The following MIB1 variants were observed in gnomAD, a reference collection of about 807,000 sequenced individuals.
MIB1 encodes the protein MIB E3 ubiquitin protein ligase 1.
In MIB1, 278 loss-of-function variants were observed where a neutral mutation model predicts 124.5. That is an observed-to-expected ratio of 2.23 (90% CI 2.02 to 2.47). The LOEUF (loss-of-function observed/expected upper bound fraction) is 2.47. MIB1 is among the 30% of genes most tolerant of loss of function. The pLI is 0.00. For synonymous variants in MIB1, 446 were observed against 429.4 expected (o/e 1.04, Z -0.48); for missense variants, 957 against 1,254.4 (o/e 0.76, Z 3.58).
At chr18:21,710,217 C>T (rs1394523279) in intron 1 of MIB1, among the ~76,000 whole-genome samples, 1 of 151,772 alleles carries the variant, frequency 6.6e-6, no homozygotes, top group Non-Finnish European at 1.5e-5. Context: ...GCCTTAGCCT[C>T]CCGAGTTAAC....
intron 12 of MIB1, among the ~76,000 whole-genome samples, chr18:21,833,402 G>A (rs1402128379): frequency 6.6e-6 from 1 of 152,128 alleles, no homozygotes; most frequent in East Asian, 1.9e-4. Flanking sequence ...CCTGCTTTTA[G>A]CATGCCCAAA....
chr18:21,767,283 C>T (rs190665792), intron 2 of MIB1, among the ~76,000 whole-genome samples: 39 of 152,234 alleles, frequency 2.6e-4, no homozygotes, highest in African/African-American at 8.7e-4. Flanking sequence ...GAAGCAAACA[C>T]GCCCTTCCTT....
At chr18:21,762,512 A>G (rs974931248) in intron 1 of MIB1, among the ~76,000 whole-genome samples, 1 of 152,366 alleles carries the variant, frequency 6.6e-6, no homozygotes, top group Non-Finnish European at 1.5e-5. Context: ...TACATGTAAT[A>G]TAAAAACTAG....
intron 6 of MIB1, among the ~76,000 whole-genome samples, chr18:21,786,936 T>C (rs2041442127): frequency 6.6e-6 from 1 of 152,210 alleles, no homozygotes; most frequent in Non-Finnish European, 1.5e-5. Context: ...CTTATTAGGG[T>C]TGGTCATTGG....
At chr18:21,847,459 A>G (rs1164035200) in intron 16 of MIB1, among the ~76,000 whole-genome samples, 4 of 152,134 alleles carry the variant, frequency 2.6e-5, no homozygotes, top group Non-Finnish European at 4.4e-5. Context: ...GCTGTTGTTA[A>G]TGTTACATGT....
At chr18:21,727,242 T>A (rs2040746457) in intron 1 of MIB1, among the ~76,000 whole-genome samples, 1 of 152,168 alleles carries the variant, frequency 6.6e-6, no homozygotes. Flanking sequence ...CCTGAGTAGC[T>A]GCGATTAAAG....
intron 12 of MIB1, chr18:21,831,105 C>CAAAAAAAAAAAA (rs199659946): frequency 9.9e-5 from 6 of 60,720 alleles, no homozygotes; most frequent in Admixed American, 3.5e-4. Context: ...CTAAAAAAGA[C>CAAAAAAAAAAAA]AAAAAAAAAA....
At chr18:21,774,920 A>ATTTT (rs754973319) in intron 4 of MIB1, among the ~76,000 whole-genome samples, 72 of 94,872 alleles carry the variant, frequency 7.6e-4, no homozygotes, top group African/African-American at 3.2e-3. Context: ...ATTTATTTCC[A>ATTTT]TTTTATTTAT....
chr18:21,711,106 C>T (rs939134762), intron 1 of MIB1, among the ~76,000 whole-genome samples: 3 of 151,954 alleles, frequency 2.0e-5, no homozygotes, highest in Non-Finnish European at 2.9e-5. Context: ...GGATTACAGG[C>T]GTGAGCCACT....
chr18:21,804,251 A>T (rs926339909), intron 10 of MIB1, among the ~76,000 whole-genome samples: 2 of 152,206 alleles, frequency 1.3e-5, no homozygotes, highest in Non-Finnish European at 2.9e-5. Context: ...ACTGTGGTGT[A>T]ACCATCATGT....
At chr18:21,737,294 C>T (rs978732121), upstream of MIB1, among the ~76,000 whole-genome samples, 1 of 152,010 alleles carries the variant, frequency 6.6e-6, no homozygotes, top group African/African-American at 2.4e-5. Flanking sequence ...CCTTCATAAG[C>T]AAAGGAGAAA....
At chr18:21,731,824 A>G (rs1202983829) in intron 1 of MIB1, among the ~76,000 whole-genome samples, 1 of 152,034 alleles carries the variant, frequency 6.6e-6, no homozygotes, top group African/African-American at 2.4e-5. Context: ...TTTGTGGAAA[A>G]ATGGAATTAA....
At chr18:21,785,253 G>A (rs1004106034) in intron 6 of MIB1, among the ~76,000 whole-genome samples, 2 of 151,698 alleles carry the variant, frequency 1.3e-5, no homozygotes, top group South Asian at 2.1e-4. Context: ...AAATAACAGC[G>A]TGGCCAGGCA....
intron 7 of MIB1, among the ~76,000 whole-genome samples, chr18:21,795,327 TA>T (rs1407741827): frequency 7.3e-6 from 1 of 137,286 alleles, no homozygotes; most frequent in Non-Finnish European, 1.5e-5. Context: ...ATATAATATA[TA>T]AATATATAAT....
intron 1 of MIB1, among the ~76,000 whole-genome samples, chr18:21,752,583 T>C (rs1355671183): frequency 1.3e-5 from 2 of 152,320 alleles, no homozygotes; most frequent in East Asian, 1.9e-4. Context: ...ACAAAAGATA[T>C]CTTTTCACTT....
intron 12 of MIB1, among the ~76,000 whole-genome samples, chr18:21,835,322 G>A (rs1009390595): frequency 6.6e-6 from 1 of 152,072 alleles, no homozygotes; most frequent in African/African-American, 2.4e-5. Flanking sequence ...AGGAGACTGG[G>A]GGCCATTGGG....
At chr18:21,831,221 C>G (rs2041978180) in intron 12 of MIB1, 1 of 146,764 alleles carries the variant, frequency 6.8e-6, no homozygotes, top group South Asian at 2.1e-4. Context: ...CTTCTGACTT[C>G]TTAGGAAATA....
chr18:21,728,544 G>C lies in MIB1; in HGVS notation n.167+23421G>C, dbSNP rs1737640652. Among the ~76,000 whole-genome samples, 3 of 152,016 alleles carry C rather than the reference G, an allele frequency of 2.0e-5. No homozygotes were observed. The South Asian group carries it at 6.2e-4, about 32-fold the overall frequency. On this transcript the variant is annotated intron_variant and non_coding_transcript_variant, in intron 1 of 20. Transcript: ENST00000578646. ...ATCCAATGTCTTCCTGTAGTTACTG[G>C]TCCACCCGTTCTCCACATCATCACC...
At chr18:21,797,654 A>G (rs2041598665) in intron 7 of MIB1, among the ~76,000 whole-genome samples, 2 of 152,144 alleles carry the variant, frequency 1.3e-5, no homozygotes. Context: ...ACATAGATGT[A>G]AGCTTGAGCC....
Sources: allele counts gnomAD v4.1 joint callset (sites outside exome capture counted in the v4.1 genomes callset), GRCh38; gene constraint gnomAD v4.1.1; transcripts MANE v1.5; gene names NCBI Gene and HGNC (gene_info 2026-07-23, HGNC 2026-07-21).